MSH3: variants seen among roughly 807,000 people sequenced by gnomAD.
MSH3 encodes the protein DNA mismatch repair protein Msh3.
In MSH3, 106 loss-of-function variants were observed where a neutral mutation model predicts 123.3. The observed-to-expected ratio is 0.86, with a 90% CI of 0.73 to 1.01. The LOEUF (loss-of-function observed/expected upper bound fraction) is 1.01, where lower values mean the gene tolerates loss of function less well. Among genes scored for constraint, MSH3 ranks in the 50% least tolerant of loss-of-function variants. The pLI is 0.00. For synonymous variants in MSH3, 515 were observed against 481.4 expected, an observed-to-expected ratio of 1.07 and a Z score of -0.91; for missense variants, 1,459 against 1,347.6, an observed-to-expected ratio of 1.08 and a Z score of -1.29.
chr5:80,747,321 G>T (rs923002384), intron 12 of MSH3, among the ~76,000 whole-genome samples: 1 of 151,916 alleles, frequency 6.6e-6, no homozygotes, highest in Non-Finnish European at 1.5e-5. Flanking sequence ...GATAAATCTA[G>T]TAGACCATGT....
rs1745876381 is a variant in MSH3 at position 80,854,144 on chromosome 5, A to G, written c.2828A>G (p.Asp943Gly). 2 of 1,613,600 alleles carry G rather than the reference A, an allele frequency of 1.2e-6. No individual in the cohort carries two copies. Among genetic ancestry groups the G allele is most frequent in the Non-Finnish European group, 1.7e-6 (2 of 1,179,660 alleles). Residue 943 changes from aspartate to glycine, a missense_variant, in exon 21 of 24, where the codon GAC becomes GGC. Asp to Gly is a moderately conservative substitution (Grantham distance 94). Transcript: ENST00000265081. ...DGIFTRMGAA[D>G]NIYKGQSTFM... ...CTTGCTTGTAGGATGGGTGCTGCAG[A>G]CAATATATATAAAGGACAGAGTACA... is the stretch of plus-strand genomic sequence containing the variant.
intron 12 of MSH3, among the ~76,000 whole-genome samples, chr5:80,747,052 T>A (rs1241485895): frequency 1.3e-5 from 2 of 152,226 alleles, no homozygotes; most frequent in South Asian, 2.1e-4. Flanking sequence ...AATATCTTCT[T>A]TAGTTCAGCA....
intron 19 of MSH3, among the ~76,000 whole-genome samples, chr5:80,795,650 A>T (rs894080451): frequency 6.6e-6 from 1 of 152,202 alleles, no homozygotes; most frequent in Non-Finnish European, 1.5e-5. Context: ...TACCATAGCA[A>T]CCTAAGACCC....
chr5:80,718,702 T>C (rs1226826017), intron 8 of MSH3, among the ~76,000 whole-genome samples: 2 of 152,076 alleles, frequency 1.3e-5, no homozygotes, highest in Admixed American at 6.5e-5. Flanking sequence ...TATTTTTTCA[T>C]TGGGAGGCAT....
chr5:80,814,255 A>T (rs1336679982), intron 20 of MSH3, among the ~76,000 whole-genome samples: 1 of 151,796 alleles, frequency 6.6e-6, no homozygotes, highest in African/African-American at 2.4e-5. Flanking sequence ...TTAATTATTG[A>T]GTTATTTTAT....
intron 20 of MSH3, among the ~76,000 whole-genome samples, chr5:80,853,443 C>G (rs1170479330): frequency 1.3e-5 from 2 of 151,672 alleles, no homozygotes. Flanking sequence ...CCACTGCACT[C>G]CAGCCTGGGC....
intron 20 of MSH3, among the ~76,000 whole-genome samples, chr5:80,846,210 T>C (rs1367134238): frequency 6.6e-6 from 1 of 152,178 alleles, no homozygotes; most frequent in Non-Finnish European, 1.5e-5. Context: ...AGACCCTCTT[T>C]GCCTGGGCAT....
In MSH3 at chr5:80,854,150, T is replaced by C. The variant is rs2112106243; in HGVS notation, c.2834T>C (p.Ile945Thr). The change falls in exon 21 of 24, where the codon ATA becomes ACA. Residue 945 changes from isoleucine (I) to threonine (T), a missense_variant. Transcript: ENST00000265081. Reference protein sequence around the residue: ...IFTRMGAADNIYKGQSTFMEE... With the variant: ...IFTRMGAADNTYKGQSTFMEE... ...TGTAGGATGGGTGCTGCAGACAATA[T>C]ATATAAAGGACAGAGTACATTTATG... The C allele has an allele frequency of 6.2e-7, 1 of 1,613,612 alleles. No individual in the cohort carries two copies. The highest frequency in any genetic ancestry group is 1.7e-5 in the Admixed American group (1 of 59,978).
At chr5:80,691,584 G>A (rs1216798563) in intron 8 of MSH3, among the ~76,000 whole-genome samples, 1 of 150,060 alleles carries the variant, frequency 6.7e-6, no homozygotes, top group Non-Finnish European at 1.5e-5. Flanking sequence ...TACAAGAGAT[G>A]TTTTTCAGTG....
At chr5:80,682,659 G>A (rs562715192) in intron 8 of MSH3, among the ~76,000 whole-genome samples, 1 of 152,260 alleles carries the variant, frequency 6.6e-6, no homozygotes, top group East Asian at 1.9e-4. Context: ...GGCATACAAT[G>A]CATAATAATT....
intron 20 of MSH3, among the ~76,000 whole-genome samples, chr5:80,833,034 T>C (rs1455575608): frequency 6.6e-6 from 1 of 152,176 alleles, no homozygotes; most frequent in Non-Finnish European, 1.5e-5. Flanking sequence ...CAAATTTCCA[T>C]GAAAGTGTTT....
intron 18 of MSH3, among the ~76,000 whole-genome samples, chr5:80,788,876 A>T (rs1396622224): frequency 6.6e-6 from 1 of 151,790 alleles, no homozygotes; most frequent in Non-Finnish European, 1.5e-5. Context: ...CAAATGTTTT[A>T]TTCTTTCCAG....
intron 16 of MSH3, 60 bp from the exon 17 acceptor site, chr5:80,778,660 T>A (rs1401158816): frequency 6.6e-6 from 6 of 908,850 alleles, no homozygotes; most frequent in African/African-American, 3.3e-5. Flanking sequence ...TCTAAAGTGA[T>A]GGCATTTCGG....
chr5:80,774,058 G>A (rs527727199), intron 15 of MSH3, among the ~76,000 whole-genome samples: 1 of 152,116 alleles, frequency 6.6e-6, no homozygotes. Flanking sequence ...GTGAGCCATC[G>A]CGCCCGGCCT....
At chr5:80,805,312 C>G (rs1002005172) in intron 19 of MSH3, among the ~76,000 whole-genome samples, 1 of 152,026 alleles carries the variant, frequency 6.6e-6, no homozygotes, top group Admixed American at 6.6e-5. Flanking sequence ...ATCAGGCAAG[C>G]CATTTTAGAA....
intron 20 of MSH3, among the ~76,000 whole-genome samples, chr5:80,837,921 G>C (rs1745545871): frequency 6.6e-6 from 1 of 152,154 alleles, no homozygotes; most frequent in African/African-American, 2.4e-5. Context: ...CCTTGAGGTT[G>C]TGAGTCTGAG....
intron 15 of MSH3, among the ~76,000 whole-genome samples, chr5:80,775,333 T>G (rs1365780540): frequency 6.6e-6 from 1 of 152,174 alleles, no homozygotes; most frequent in Non-Finnish European, 1.5e-5. Context: ...TTTTAAAATT[T>G]TATATACTTA....
At chr5:80,683,327 C>T (rs1016312596) in intron 8 of MSH3, among the ~76,000 whole-genome samples, 2 of 152,058 alleles carry the variant, frequency 1.3e-5, no homozygotes, top group Admixed American at 6.5e-5. Flanking sequence ...TTCCCACCAA[C>T]AGTCTGTGAG....
At chr5:80,824,125 T>C (rs1356030412) in intron 20 of MSH3, among the ~76,000 whole-genome samples, 2 of 152,234 alleles carry the variant, frequency 1.3e-5, no homozygotes, top group African/African-American at 2.4e-5. Context: ...CAATCTGATT[T>C]CTCTGTCTTT....
Sources: allele counts gnomAD v4.1 joint callset (sites outside exome capture counted in the v4.1 genomes callset), GRCh38; gene constraint gnomAD v4.1.1; transcripts MANE v1.5; gene names NCBI Gene and HGNC (gene_info 2026-07-23, HGNC 2026-07-21).